The following GRIP1 variants were observed in gnomAD, a reference collection of about 807,000 sequenced individuals.
The protein encoded by GRIP1 is glutamate receptor-interacting protein 1.
A neutral mutation model predicts 129.9 loss-of-function variants in GRIP1; 45 were observed. That is an observed-to-expected ratio of 0.35 (90% CI 0.27 to 0.44). The LOEUF (loss-of-function observed/expected upper bound fraction) is 0.44, where lower values mean the gene tolerates loss of function less well. Ranked by LOEUF, GRIP1 falls within the 20% of genes least tolerant of loss-of-function variation. The pLI, the probability that GRIP1 is intolerant of heterozygous loss-of-function variation, is 1.00. For missense variants in GRIP1, 1,196 were observed against 1,396.8 expected, an observed-to-expected ratio of 0.86 and a Z score of 2.29; for synonymous variants, 530 against 520.8, an observed-to-expected ratio of 1.02 and a Z score of -0.24.
chr12:66,518,906 A>G (rs1023248861), intron 5 of GRIP1, among the ~76,000 whole-genome samples: 1 of 152,234 alleles, frequency 6.6e-6, no homozygotes, highest in African/African-American at 2.4e-5. Flanking sequence ...CGCTGGCTAA[A>G]TCTCACCTTC....
intron 2 of GRIP1, among the ~76,000 whole-genome samples, chr12:66,554,989 T>G (rs1184510143): frequency 5.3e-5 from 8 of 152,324 alleles, no homozygotes; most frequent in African/African-American, 1.2e-4. Flanking sequence ...AAGGGAACTC[T>G]TCACCCTGAA....
At chr12:66,509,597 C>G (rs2060635103) in intron 7 of GRIP1, among the ~76,000 whole-genome samples, 1 of 152,134 alleles carries the variant, frequency 6.6e-6, no homozygotes, top group Non-Finnish European at 1.5e-5. Flanking sequence ...TACATATACA[C>G]TATAGAATAT....
intron 1 of GRIP1, among the ~76,000 whole-genome samples, chr12:66,785,396 C>T (rs1189735676): frequency 7.1e-6 from 1 of 141,660 alleles, no homozygotes; most frequent in African/African-American, 2.6e-5. Flanking sequence ...CCTATAGTCC[C>T]AGCTGCTCAC....
intron 1 of GRIP1, among the ~76,000 whole-genome samples, chr12:66,879,984 G>A (rs780013465): frequency 1.3e-5 from 2 of 152,148 alleles, no homozygotes; most frequent in Non-Finnish European, 2.9e-5. Flanking sequence ...TCTACACACA[G>A]TAGGCAGTGT....
intron 1 of GRIP1, among the ~76,000 whole-genome samples, chr12:66,696,077 T>C (rs944613362): frequency 1.3e-5 from 2 of 151,984 alleles, no homozygotes; most frequent in East Asian, 3.9e-4. Flanking sequence ...AATCACAATA[T>C]AGGCATAAAA....
At chr12:66,808,614 T>A (rs967517161), upstream of GRIP1, among the ~76,000 whole-genome samples, 6 of 152,060 alleles carry the variant, frequency 3.9e-5, no homozygotes, top group Non-Finnish European at 4.4e-5. Context: ...TGTTTTTTTT[T>A]AAACTGAGCA....
chr12:66,654,649 A>T (rs916228153), intron 1 of GRIP1, among the ~76,000 whole-genome samples: 2 of 152,190 alleles, frequency 1.3e-5, no homozygotes, highest in African/African-American at 4.8e-5. Flanking sequence ...AAGGTGTGAT[A>T]AGCAAGGTGG....
At chr12:66,680,137 T>C (rs778302152), upstream of GRIP1, among the ~76,000 whole-genome samples, 12 of 152,186 alleles carry the variant, frequency 7.9e-5, no homozygotes, top group Non-Finnish European at 1.6e-4. Flanking sequence ...TGAAAAGATA[T>C]ATCACTGTCT....
intron 1 of GRIP1, among the ~76,000 whole-genome samples, chr12:66,800,052 A>C (rs2033534174): frequency 6.6e-6 from 1 of 152,228 alleles, no homozygotes; most frequent in African/African-American, 2.4e-5. Context: ...AAAATAATTT[A>C]GCTAACAATG....
At chr12:66,876,870 A>G (rs2040392688) in intron 1 of GRIP1, among the ~76,000 whole-genome samples, 1 of 152,126 alleles carries the variant, frequency 6.6e-6, no homozygotes, top group African/African-American at 2.4e-5. Context: ...GATTTACCAG[A>G]TGTTCCACCA....
At chr12:66,669,979 C>T (rs577113049) in intron 1 of GRIP1, among the ~76,000 whole-genome samples, 1 of 152,210 alleles carries the variant, frequency 6.6e-6, no homozygotes, top group East Asian at 1.9e-4. Flanking sequence ...TCAAAAAATT[C>T]TTTAACATTT....
chr12:66,418,295 G>C (rs2057681388), intron 15 of GRIP1, among the ~76,000 whole-genome samples: 1 of 152,066 alleles, frequency 6.6e-6, no homozygotes, highest in Non-Finnish European at 1.5e-5. Flanking sequence ...AAATCAAAAT[G>C]GATTAACAAC....
intron 1 of GRIP1, among the ~76,000 whole-genome samples, chr12:66,802,497 C>T (rs948006095): frequency 6.6e-6 from 1 of 152,056 alleles, no homozygotes; most frequent in Non-Finnish European, 1.5e-5. Context: ...TCTTAGATAC[C>T]TCCATATATA....
At chr12:66,908,030 A>G (rs538910978) in intron 1 of GRIP1, among the ~76,000 whole-genome samples, 16 of 152,328 alleles carry the variant, frequency 1.1e-4, no homozygotes, top group African/African-American at 3.4e-4. Context: ...TTTCCAAAGA[A>G]GTATCAGCAT....
At chr12:67,008,193 A>G (rs2042655351) in intron 1 of GRIP1, among the ~76,000 whole-genome samples, 1 of 152,224 alleles carries the variant, frequency 6.6e-6, no homozygotes, top group Non-Finnish European at 1.5e-5. Flanking sequence ...CAACTTTCAT[A>G]TGTGCACAGG....
chr12:66,674,952 C>T (rs763153859), intron 1 of GRIP1, among the ~76,000 whole-genome samples: 2 of 152,098 alleles, frequency 1.3e-5, no homozygotes, highest in Non-Finnish European at 2.9e-5. Flanking sequence ...ACAGATGTCT[C>T]ACTTAGACAC....
At chr12:66,780,638 C>T (rs1198388048) in intron 1 of GRIP1, among the ~76,000 whole-genome samples, 1 of 152,202 alleles carries the variant, frequency 6.6e-6, no homozygotes, top group African/African-American at 2.4e-5. Context: ...ACAGTGTCAC[C>T]TTGACACCTT....
intron 16 of GRIP1, among the ~76,000 whole-genome samples, chr12:66,403,000 C>A (rs1463394707): frequency 6.6e-6 from 1 of 152,190 alleles, no homozygotes; most frequent in African/African-American, 2.4e-5. Context: ...GCTACAAGAG[C>A]TCCCTGAGAT....
At chr12:66,513,433 G>A (rs1201378004) in intron 7 of GRIP1, among the ~76,000 whole-genome samples, 1 of 151,862 alleles carries the variant, frequency 6.6e-6, no homozygotes, top group Non-Finnish European at 1.5e-5. Flanking sequence ...ACATATTTTA[G>A]CTATTAAAGC....
Sources: gnomAD v4.1 joint callset for allele counts (sites outside exome capture counted in the v4.1 genomes callset) on GRCh38, gnomAD v4.1.1 for gene constraint, MANE v1.5 for transcripts, NCBI Gene and HGNC (gene_info 2026-07-23, HGNC 2026-07-21) for gene names.